Variants in PITPNC1 observed in about 807,000 individuals in gnomAD.
The protein encoded by PITPNC1 is phosphatidylinositol transfer protein cytoplasmic 1.
In PITPNC1, 18 loss-of-function variants were observed where a neutral mutation model predicts 44.7. The ratio of observed to expected loss-of-function variants is 0.40; its 90% CI spans 0.28 to 0.60. The LOEUF (loss-of-function observed/expected upper bound fraction) is 0.60, where lower values mean the gene tolerates loss of function less well. Among genes scored for constraint, PITPNC1 ranks in the 20% least tolerant of loss-of-function variants. The pLI is 0.39. For missense variants in PITPNC1, 290 were observed against 418.4 expected (o/e 0.69, Z 2.68); for synonymous variants, 141 against 149.6 (o/e 0.94, Z 0.42).
chr17:67,496,758 T>C (rs993001429), intron 1 of PITPNC1, among the ~76,000 whole-genome samples: 1 of 152,122 alleles, frequency 6.6e-6, no homozygotes, highest in Non-Finnish European at 1.5e-5. Flanking sequence ...CTACTTAGAA[T>C]AGAAATGAGA....
intron 1 of PITPNC1, among the ~76,000 whole-genome samples, chr17:67,471,240 T>TAAAAAAAAAA (rs758005772): frequency 1.7e-5 from 2 of 118,356 alleles, no homozygotes; most frequent in Non-Finnish European, 1.8e-5. Flanking sequence ...AAAAAAAATG[T>TAAAAAAAAAA]AAAAAAAAAA....
chr17:67,637,729 C>T (rs2042049347), intron 6 of PITPNC1: 1 of 152,182 alleles, frequency 6.6e-6, no homozygotes, highest in African/African-American at 2.4e-5. Context: ...GATAGCCCAG[C>T]TCTGTGCTTT....
At chr17:67,646,557 C>T (rs775255311) in intron 6 of PITPNC1, among the ~76,000 whole-genome samples, 2 of 152,214 alleles carry the variant, frequency 1.3e-5, no homozygotes, top group Non-Finnish European at 2.9e-5. Flanking sequence ...TAGAGTCTCA[C>T]TGTCGCCCAA....
chr17:67,515,230 C>T (rs752858060), intron 1 of PITPNC1, among the ~76,000 whole-genome samples: 2 of 152,166 alleles, frequency 1.3e-5, no homozygotes, highest in African/African-American at 2.4e-5. Flanking sequence ...GGAAGCAAGG[C>T]CTTCTTCCTC....
At chr17:67,637,301 T>C (rs2042044520) in intron 6 of PITPNC1, among the ~76,000 whole-genome samples, 1 of 152,114 alleles carries the variant, frequency 6.6e-6, no homozygotes, top group Non-Finnish European at 1.5e-5. Flanking sequence ...TTTTTTTTAA[T>C]CGGAGGCATC....
intron 1 of PITPNC1, among the ~76,000 whole-genome samples, chr17:67,387,019 C>T (rs2038064489): frequency 6.6e-6 from 1 of 152,170 alleles, no homozygotes; most frequent in Non-Finnish European, 1.5e-5. Context: ...ACGGACAAAC[C>T]AATCGTATCT....
chr17:67,542,391 G>A (rs2040621082), intron 2 of PITPNC1, among the ~76,000 whole-genome samples: 1 of 152,164 alleles, frequency 6.6e-6, no homozygotes, highest in Admixed American at 6.5e-5. Flanking sequence ...ACAACGTAGA[G>A]CCACCTCAAG....
rs571272051 is a variant in PITPNC1, at chr17:67,513,489, G to GTATATATATATATATATA, written c.49-19306_49-19289dup. 7.2e-5 allele frequency among the ~76,000 whole-genome samples: 10 copies of GTATATATATATATATATA among 138,658 alleles called. No homozygotes were observed. In the South Asian group the frequency reaches 1.6e-3, roughly 22 times the overall value. The allele number at this position is 138,658 out of a possible 152,430, so 91.0% of individuals were successfully genotyped here. ...ATATTTTTACTATATGTGTGTGTGT[G>GTATATATATATATATATA]TATATATATATATATATATATATAG... On this transcript the variant is annotated intron_variant, in intron 1 of 8. Transcript: ENST00000581322.
chr17:67,626,125 A>G (rs956582379), intron 5 of PITPNC1, among the ~76,000 whole-genome samples: 1 of 151,956 alleles, frequency 6.6e-6, no homozygotes, highest in Non-Finnish European at 1.5e-5. Flanking sequence ...AGCTGGGACA[A>G]CAGGTGCACA....
intron 1 of PITPNC1, among the ~76,000 whole-genome samples, chr17:67,443,633 CT>C (rs5821477): frequency 5.3e-4 from 65 of 122,552 alleles, no homozygotes; most frequent in East Asian, 3.6e-3. Flanking sequence ...GGACACTGGT[CT>C]TTTTTTTTTT....
Position 67,384,615 on chromosome 17 carries a change from C to T in PITPNC1, c.48+6413C>T, listed in dbSNP as rs2038014282. ...TGATTTTTTGTATTTTTAGTAGAGA[C>T]GGGGTTTCACCCTTTTAACCAGGAT... On this transcript the variant is annotated intron_variant, in intron 1 of 8. Transcript: ENST00000581322. Among the ~76,000 whole-genome samples, 3 of 152,126 alleles carry T rather than the reference C, an allele frequency of 2.0e-5. No individual in the cohort carries two copies. In the South Asian group the frequency reaches 6.2e-4, roughly 31 times the overall value.
chr17:67,614,050 G>GTA (rs2144298666), intron 5 of PITPNC1, among the ~76,000 whole-genome samples: 1 of 142,538 alleles, frequency 7.0e-6, no homozygotes, highest in Non-Finnish European at 1.5e-5. Context: ...TCGCGCCACT[G>GTA]CACTCCAGCC....
chr17:67,378,270 G>T, intron 1 of PITPNC1, 68 bp downstream of exon 1: 1 of 1,075,406 alleles, frequency 9.3e-7, no homozygotes, highest in Non-Finnish European at 1.3e-6. Context: ...CCTCCTGGCC[G>T]GCGAGCCCCG....
intron 6 of PITPNC1, among the ~76,000 whole-genome samples, chr17:67,665,718 T>C (rs927607548): frequency 1.3e-5 from 2 of 152,222 alleles, no homozygotes; most frequent in Non-Finnish European, 2.9e-5. Context: ...TCAACAAGCA[T>C]GTATTCAACA....
At chr17:67,414,518 A>C (rs2038557010) in intron 1 of PITPNC1, among the ~76,000 whole-genome samples, 1 of 152,128 alleles carries the variant, frequency 6.6e-6, no homozygotes, top group Non-Finnish European at 1.5e-5. Context: ...AAAGGTCTGC[A>C]ACCTGCATTC....
intron 4 of PITPNC1, among the ~76,000 whole-genome samples, chr17:67,562,568 C>T (rs901182143): frequency 5.3e-5 from 8 of 151,952 alleles, no homozygotes; most frequent in African/African-American, 1.9e-4. Flanking sequence ...AGTTCTTCTT[C>T]TCACTTTTGT....
chr17:67,545,437 G>C (rs768849007), intron 2 of PITPNC1, among the ~76,000 whole-genome samples: 1 of 152,158 alleles, frequency 6.6e-6, no homozygotes, highest in Non-Finnish European at 1.5e-5. Flanking sequence ...AATTAACCAG[G>C]TGTGGTGGCA....
At chr17:67,460,929 A>G (rs2143972410) in intron 1 of PITPNC1, among the ~76,000 whole-genome samples, 1 of 150,782 alleles carries the variant, frequency 6.6e-6, no homozygotes, top group African/African-American at 2.4e-5. Flanking sequence ...TTTAGTAGAG[A>G]TGAGGTTTCA....
intron 6 of PITPNC1, among the ~76,000 whole-genome samples, chr17:67,652,906 T>A (rs2042224900): frequency 6.6e-6 from 1 of 152,200 alleles, no homozygotes; most frequent in African/African-American, 2.4e-5. Flanking sequence ...TTACTTGGGA[T>A]AGGGTCTTTA....
Sources: gnomAD v4.1 joint callset for allele counts (sites outside exome capture counted in the v4.1 genomes callset) on GRCh38, gnomAD v4.1.1 for gene constraint, MANE v1.5 for transcripts, NCBI Gene and HGNC (gene_info 2026-07-23, HGNC 2026-07-21) for gene names.